The following SCFD2 variants were observed in gnomAD, a reference collection of about 807,000 sequenced individuals.
SCFD2 encodes sec1 family domain containing 2, also known as sec1 family domain-containing protein 2.
Under a neutral mutation model 58.9 loss-of-function variants are expected in SCFD2, and 54 were observed. The observed-to-expected ratio is 0.92, with a 90% CI of 0.74 to 1.15. The LOEUF (loss-of-function observed/expected upper bound fraction) is 1.15. Among genes scored for constraint, SCFD2 ranks in the 50% most tolerant of loss-of-function variants. The pLI is 0.00. For missense variants in SCFD2, 805 were observed against 836.6 expected (o/e 0.96, Z 0.47); for synonymous variants, 321 against 335.9 (o/e 0.96, Z 0.49).
chr4:52,989,493 ACT>A lies in SCFD2; in HGVS notation c.1562-68625_1562-68624del, dbSNP rs1310237344. On this transcript the variant is annotated intron_variant, in intron 5 of 8. Transcript: ENST00000401642. ...TAGGAGTTCAACTTATGATAAAGAC[ACT>A]CTGTAATTTTCCCTAGTGTGCCCAT... Among the ~76,000 whole-genome samples, 5 of 152,188 alleles carry A rather than the reference ACT, an allele frequency of 3.3e-5. No individual in the cohort carries two copies. In the East Asian group the frequency reaches 7.7e-4, roughly 23 times the overall value.
chr4:52,893,004 G>C (rs941927350), intron 7 of SCFD2, among the ~76,000 whole-genome samples: 2 of 152,138 alleles, frequency 1.3e-5, no homozygotes, highest in African/African-American at 4.8e-5. Context: ...CTATTTCATA[G>C]CATGGAGTAT....
At chr4:53,301,082 C>A (rs1232129733) in intron 3 of SCFD2, among the ~76,000 whole-genome samples, 1 of 151,918 alleles carries the variant, frequency 6.6e-6, no homozygotes, top group Non-Finnish European at 1.5e-5. Flanking sequence ...TAGCAGAAGG[C>A]AAGAAATAAC....
chr4:53,273,985 TC>T lies in SCFD2; in HGVS notation c.1151del (p.Gly384AspfsTer17). ...IKMSMGRVTP[G>X]QLMSYIQLFK... is the part of the protein sequence containing the mutation. ...AGAGCTGAATATAGGACATGAGCTG[TC>T]CCGGTGTGACTCTCCCTGGAAACAT... On this transcript the variant is annotated frameshift_variant, in exon 4 of 9. Transcript: ENST00000401642. LOFTEE classifies it high-confidence loss of function. 1.2e-6 allele frequency: 2 copies of T among 1,610,318 alleles called. No homozygotes were observed. Among genetic ancestry groups the T allele is most frequent in the Non-Finnish European group, 8.5e-7 (1 of 1,178,396 alleles).
At chr4:52,998,489 A>G (rs1446142943) in intron 5 of SCFD2, among the ~76,000 whole-genome samples, 2 of 152,260 alleles carry the variant, frequency 1.3e-5, no homozygotes, top group Non-Finnish European at 2.9e-5. Context: ...TTGTTCATAT[A>G]TATGAATGTA....
intron 5 of SCFD2, among the ~76,000 whole-genome samples, chr4:53,057,003 T>C (rs1386547171): frequency 6.6e-6 from 1 of 152,008 alleles, no homozygotes; most frequent in Non-Finnish European, 1.5e-5. Flanking sequence ...GCCAACATGG[T>C]GAAACTCCGT....
At chr4:53,148,818 T>C (rs1390343550) in intron 4 of SCFD2, among the ~76,000 whole-genome samples, 1 of 152,088 alleles carries the variant, frequency 6.6e-6, no homozygotes, top group East Asian at 1.9e-4. Context: ...GAGAAGAGCC[T>C]GGGCAACATA....
At chr4:53,080,649 A>G (rs116075386) in intron 5 of SCFD2, among the ~76,000 whole-genome samples, 172 of 152,252 alleles carry the variant, frequency 1.1e-3, no homozygotes, top group African/African-American at 3.5e-3. Context: ...AATTATTCTT[A>G]TACTCACAAT....
intron 4 of SCFD2, among the ~76,000 whole-genome samples, chr4:53,214,568 G>A (rs1250253067): frequency 3.9e-5 from 6 of 152,094 alleles, no homozygotes; most frequent in Admixed American, 1.3e-4. Context: ...TGTCAGATGA[G>A]TAGGTTGCAA....
chr4:53,081,122 G>A (rs1313914687), intron 5 of SCFD2, among the ~76,000 whole-genome samples: 3 of 152,228 alleles, frequency 2.0e-5, no homozygotes, highest in East Asian at 1.9e-4. Context: ...TTGAGCACAC[G>A]TGAAGCAGAA....
intron 2 of SCFD2, 35 bp downstream of exon 2, chr4:53,352,563 G>C (rs1187803353): frequency 1.3e-6 from 2 of 1,544,080 alleles, no homozygotes; most frequent in East Asian, 4.5e-5. Context: ...GGGGAAGACA[G>C]AGAAAGATAA....
intron 5 of SCFD2, among the ~76,000 whole-genome samples, chr4:53,089,232 G>A (rs1724402922): frequency 6.6e-6 from 1 of 152,086 alleles, no homozygotes; most frequent in Non-Finnish European, 1.5e-5. Context: ...TTTTTAAATG[G>A]TTTATCTTTT....
intron 4 of SCFD2, among the ~76,000 whole-genome samples, chr4:53,261,632 G>T (rs1730831602): frequency 6.6e-6 from 1 of 152,030 alleles, no homozygotes; most frequent in Non-Finnish European, 1.5e-5. Flanking sequence ...GACTTGTTTT[G>T]TGGCCTATCA....
intron 5 of SCFD2, among the ~76,000 whole-genome samples, chr4:52,996,047 A>C (rs942042434): frequency 1.3e-5 from 2 of 152,228 alleles, no homozygotes; most frequent in African/African-American, 4.8e-5. Flanking sequence ...AAATCTTGGT[A>C]CTGCCTTTTG....
At chr4:52,972,404 T>C (rs953073905) in intron 5 of SCFD2, among the ~76,000 whole-genome samples, 4 of 151,642 alleles carry the variant, frequency 2.6e-5, no homozygotes, top group Admixed American at 6.6e-5. Flanking sequence ...GCAACAAAGA[T>C]CAAAAGAGAC....
At chr4:52,905,875 G>A (rs137978064) in intron 7 of SCFD2, among the ~76,000 whole-genome samples, 1 of 152,168 alleles carries the variant, frequency 6.6e-6, no homozygotes, top group Non-Finnish European at 1.5e-5. Context: ...AGAAAATGCA[G>A]GTGGATATTC....
intron 2 of SCFD2, among the ~76,000 whole-genome samples, chr4:53,319,795 G>A (rs1732973687): frequency 6.6e-6 from 1 of 152,140 alleles, no homozygotes; most frequent in African/African-American, 2.4e-5. Context: ...GCCTCCCAAA[G>A]TGCTGGGATT....
chr4:53,205,501 A>G (rs1221768962), intron 4 of SCFD2, among the ~76,000 whole-genome samples: 2 of 152,160 alleles, frequency 1.3e-5, no homozygotes, highest in Admixed American at 6.5e-5. Context: ...GCAAACAAAC[A>G]GTAAAAGCAA....
chr4:53,151,481 A>C (rs1726504249), intron 4 of SCFD2, among the ~76,000 whole-genome samples: 1 of 152,166 alleles, frequency 6.6e-6, no homozygotes, highest in Admixed American at 6.5e-5. Context: ...TTTTTTTAGA[A>C]AGCTGACCTT....
intron 4 of SCFD2, among the ~76,000 whole-genome samples, chr4:53,253,660 G>A (rs1263338951): frequency 1.4e-5 from 2 of 146,136 alleles, no homozygotes; most frequent in African/African-American, 5.1e-5. Flanking sequence ...AACACCACAT[G>A]TTTTCACTCA....
Sources: allele counts gnomAD v4.1 joint callset (sites outside exome capture counted in the v4.1 genomes callset), GRCh38; gene constraint gnomAD v4.1.1; transcripts MANE v1.5; gene names NCBI Gene and HGNC (gene_info 2026-07-23, HGNC 2026-07-21).